The following PLEKHA5 variants were observed in gnomAD, a reference collection of about 807,000 sequenced individuals.
PLEKHA5 encodes pleckstrin homology domain containing A5.
In PLEKHA5, 55 loss-of-function variants were observed where a neutral mutation model predicts 181.9. The ratio of observed to expected loss-of-function variants is 0.30; its 90% CI spans 0.24 to 0.38. The LOEUF (loss-of-function observed/expected upper bound fraction) is 0.38, where lower values mean the gene tolerates loss of function less well. PLEKHA5 is among the 10% of genes least tolerant of loss of function. PLEKHA5 has a pLI of 1.00. For synonymous variants in PLEKHA5, 535 were observed against 529.4 expected, an observed-to-expected ratio of 1.01 and a Z score of -0.15; for missense variants, 1,432 against 1,549.5, an observed-to-expected ratio of 0.92 and a Z score of 1.27.
At chr12:19,281,169 C>A (rs923305686) in intron 11 of PLEKHA5, among the ~76,000 whole-genome samples, 3 of 149,812 alleles carry the variant, frequency 2.0e-5, no homozygotes, top group Admixed American at 6.7e-5. Flanking sequence ...TCAGGAGGAC[C>A]GGGCTGCAGT....
At chr12:19,297,628 CAAAAA>C (rs934426933) in intron 15 of PLEKHA5, among the ~76,000 whole-genome samples, 204 of 63,774 alleles carry the variant, frequency 3.2e-3, no homozygotes, top group African/African-American at 0.011. Flanking sequence ...GGCTCCGTCT[CAAAAA>C]AAAAAAAAAA....
intron 3 of PLEKHA5, among the ~76,000 whole-genome samples, chr12:19,168,598 T>C (rs547174124): frequency 1.3e-5 from 2 of 152,276 alleles, no homozygotes; most frequent in Admixed American, 1.3e-4. Context: ...CTTAAAATTC[T>C]GCACCTTCCT....
chr12:19,367,473 T>G (rs896642142), intron 30 of PLEKHA5, among the ~76,000 whole-genome samples: 9 of 151,468 alleles, frequency 5.9e-5, no homozygotes, highest in African/African-American at 2.2e-4. Context: ...CAGGCTGGTC[T>G]TGAACTCCTG....
intron 16 of PLEKHA5, among the ~76,000 whole-genome samples, chr12:19,318,239 T>G (rs909602364): frequency 1.3e-5 from 2 of 152,038 alleles, no homozygotes; most frequent in Non-Finnish European, 2.9e-5. Context: ...CTTTATTGAA[T>G]AACTTGATAA....
At chr12:19,344,382 C>A (rs1314679745) in intron 22 of PLEKHA5, among the ~76,000 whole-genome samples, 1 of 152,182 alleles carries the variant, frequency 6.6e-6, no homozygotes, top group Non-Finnish European at 1.5e-5. Context: ...GAACTGGGAT[C>A]ATCCTATATC....
At position 19,290,703 on chromosome 12, in the gene PLEKHA5, A is replaced by T; in HGVS notation, c.1890A>T (p.Ile630=). The T allele has an allele frequency of 6.5e-7, 1 of 1,534,706 alleles. No homozygotes were observed. Among genetic ancestry groups the T allele is most frequent in the Non-Finnish European group, 8.7e-7 (1 of 1,145,746 alleles). Residue 630 remains isoleucine, a synonymous_variant, in exon 14 of 32, where the codon ATA becomes ATT. Coordinates refer to ENST00000429027, the MANE Select transcript of PLEKHA5 (RefSeq NM_001256470.2). ...KTPEELTLLL[I]KLRRQQAELS... Reference sequence around the variant, plus strand: ...CAGAGGAGCTTACGCTGCTGCTAATAAAGCTGAGACGGCAGCAAGCCGAAC... The same window carrying T: ...CAGAGGAGCTTACGCTGCTGCTAATTAAGCTGAGACGGCAGCAAGCCGAAC...
At chr12:19,300,972 T>A (rs1592381069) in intron 15 of PLEKHA5, among the ~76,000 whole-genome samples, 1 of 127,628 alleles carries the variant, frequency 7.8e-6, no homozygotes, top group African/African-American at 3.0e-5. Flanking sequence ...CCATCTCTAC[T>A]AAAAAAAAAA....
At chr12:19,179,668 A>G (rs1167764228) in intron 3 of PLEKHA5, among the ~76,000 whole-genome samples, 1 of 152,204 alleles carries the variant, frequency 6.6e-6, no homozygotes, top group Non-Finnish European at 1.5e-5. Flanking sequence ...CTCAAAAAAG[A>G]AAAAACTAAA....
chr12:19,245,257 G>C (rs544234304), intron 3 of PLEKHA5, among the ~76,000 whole-genome samples: 2 of 152,236 alleles, frequency 1.3e-5, no homozygotes, highest in South Asian at 4.2e-4. Context: ...TAAGAAAACA[G>C]AATATTTCTT....
At chr12:19,197,395 CCTGT>C (rs1236982166) in intron 3 of PLEKHA5, among the ~76,000 whole-genome samples, 2 of 152,106 alleles carry the variant, frequency 1.3e-5, no homozygotes, top group Non-Finnish European at 2.9e-5. Flanking sequence ...TTTTCCTCTG[CCTGT>C]CTTTTTGTTC....
chr12:19,200,842 TATC>T (rs2054022503), intron 3 of PLEKHA5: 1 of 179,750 alleles, frequency 5.6e-6, no homozygotes, highest in Non-Finnish European at 1.1e-5. Context: ...AGGCCCTTAT[TATC>T]ATATCATGCA....
chr12:19,306,619 C>A, intron 15 of PLEKHA5: 1 of 1,010,158 alleles, frequency 9.9e-7, no homozygotes, highest in Non-Finnish European at 1.6e-6. Context: ...GAGGTGGTGG[C>A]GGCGGTGGAG....
chr12:19,175,681 CAT>C (rs773378975), intron 3 of PLEKHA5, among the ~76,000 whole-genome samples: 16 of 152,264 alleles, frequency 1.1e-4, no homozygotes, highest in African/African-American at 2.2e-4. Context: ...GCACTATACA[CAT>C]GTGTTAGCTT....
In PLEKHA5 at chr12:19,129,791, G is replaced by A; in HGVS notation, c.-9G>A. On this transcript the variant is annotated 5_prime_UTR_variant, in exon 1 of 32. Coordinates refer to ENST00000429027, the MANE Select transcript of PLEKHA5 (RefSeq NM_001256470.2). ...AGGAGAAGGCGGCGGCGGCGGCTAG[G>A]GATCAGACATGGCGGCGGATCTGAA... 1.3e-6 allele frequency: 2 copies of A among 1,593,156 alleles called. No individual in the cohort carries two copies. The highest frequency in any genetic ancestry group is 1.1e-5 in the South Asian group (1 of 89,578).
chr12:19,267,102 T>G (rs1479938440), intron 8 of PLEKHA5, among the ~76,000 whole-genome samples: 1 of 152,126 alleles, frequency 6.6e-6, no homozygotes, highest in African/African-American at 2.4e-5. Context: ...GATTTTTGTT[T>G]TCAAAAATCA....
At chr12:19,141,517 C>G (rs996695796) in intron 3 of PLEKHA5, among the ~76,000 whole-genome samples, 8 of 152,262 alleles carry the variant, frequency 5.3e-5, no homozygotes, top group Middle Eastern at 6.8e-3. Flanking sequence ...TGCAAAATGC[C>G]TAAAGGCCAG....
intron 20 of PLEKHA5, among the ~76,000 whole-genome samples, chr12:19,333,440 C>T (rs537982858): frequency 1.3e-5 from 2 of 151,524 alleles, no homozygotes; most frequent in East Asian, 4.0e-4. Context: ...ATTATCCAAG[C>T]GTGGTGGTGC....
chr12:19,223,197 ACT>A (rs1242915959), intron 3 of PLEKHA5, among the ~76,000 whole-genome samples: 1 of 151,562 alleles, frequency 6.6e-6, no homozygotes, highest in Non-Finnish European at 1.5e-5. Context: ...ACATTAACAC[ACT>A]CTCTACCTCT....
At chr12:19,214,755 A>G (rs557891268) in intron 3 of PLEKHA5, among the ~76,000 whole-genome samples, 4 of 152,304 alleles carry the variant, frequency 2.6e-5, no homozygotes, top group African/African-American at 9.6e-5. Context: ...AGCAAATGAA[A>G]GAGTTGTCTG....
Sources: gnomAD v4.1 joint callset for allele counts (sites outside exome capture counted in the v4.1 genomes callset) on GRCh38, gnomAD v4.1.1 for gene constraint, MANE v1.5 for transcripts, NCBI Gene and HGNC (gene_info 2026-07-23, HGNC 2026-07-21) for gene names.